The following MAP4 variants were observed in gnomAD, a reference collection of about 807,000 sequenced individuals.
MAP4 encodes the protein microtubule-associated protein 4.
MAP4 carries 76 observed loss-of-function variants against 170.2 expected under a neutral mutation model. That is an observed-to-expected ratio of 0.45 (90% CI 0.37 to 0.54). The LOEUF (loss-of-function observed/expected upper bound fraction) is 0.54, where lower values mean the gene tolerates loss of function less well. Ranked by LOEUF, MAP4 falls within the 20% of genes least tolerant of loss-of-function variation. MAP4 has a pLI of 0.00. For missense variants in MAP4, 2,506 were observed against 2,748.0 expected (o/e 0.91, Z 1.97); for synonymous variants, 909 against 994.5 (o/e 0.91, Z 1.62).
chr3:47,911,211 T>G lies in MAP4; in HGVS notation c.3210A>C (p.Lys1070Asn). The stretch of plus-strand genomic sequence containing the variant: ...TTACCTTCCCAGAATCTGTTCTCAT[T>G]TTCCCAGAACTTCCCCTTCCCTTCC... ...KSRKGRGSSG[K>N]MRTDSGKVKA... Residue 1070 changes from lysine (K) to asparagine (N), a missense_variant, in exon 9 of 21, where the codon AAA becomes AAC. By Grantham distance (94) the Lys-to-Asn change is moderately conservative. This residue lies in a region of MAP4 where 2,008 missense variants were observed against 2,206.0 expected (regional missense o/e 0.91). Transcript: ENST00000683076. This position sits in a 1 kb window ranked among gnomAD's most constrained non-coding sequence, Gnocchi z 4.0. 1 of 1,536,130 alleles carries G rather than the reference T, an allele frequency of 6.5e-7. No individual in the cohort carries two copies.
intron 1 of MAP4, among the ~76,000 whole-genome samples, chr3:48,051,222 G>A (rs1241209861): frequency 6.6e-6 from 1 of 151,894 alleles, no homozygotes; most frequent in Non-Finnish European, 1.5e-5. Context: ...AGACCAGCCT[G>A]GGCAACATGG....
intron 2 of MAP4, among the ~76,000 whole-genome samples, chr3:47,995,680 C>T (rs2100095111): frequency 6.6e-6 from 1 of 152,076 alleles, no homozygotes; most frequent in Non-Finnish European, 1.5e-5. Flanking sequence ...TTCCACTTGG[C>T]TGTAGAAAGC....
At chr3:48,007,532 C>T (rs1309527935) in intron 1 of MAP4, among the ~76,000 whole-genome samples, 1 of 152,216 alleles carries the variant, frequency 6.6e-6, no homozygotes, top group Non-Finnish European at 1.5e-5. Flanking sequence ...CCATATGACC[C>T]AGCAGATCCA....
rs2100083762 is a variant in MAP4 at position 47,978,906 on chromosome 3, T to C, written c.224-973A>G. ...TTTAAAACTGAACTGTTTATTTTCT[T>C]ATTATTGAGTTTTGAAAATTCTTTA... On this transcript the variant is annotated intron_variant, in intron 2 of 20. Transcript: ENST00000683076. Among the ~76,000 whole-genome samples the C allele has an allele frequency of 2.0e-5, 3 of 152,112 alleles. No homozygotes were observed. In the South Asian group the frequency reaches 6.2e-4, roughly 32 times the overall value.
chr3:47,997,515 T>C (rs1388951911), intron 2 of MAP4, among the ~76,000 whole-genome samples: 1 of 151,458 alleles, frequency 6.6e-6, no homozygotes, highest in Non-Finnish European at 1.5e-5. Flanking sequence ...AAAAGAAATG[T>C]CTCAGATCAA....
intron 1 of MAP4, among the ~76,000 whole-genome samples, chr3:48,007,109 A>G (rs564106759): frequency 3.3e-5 from 5 of 152,382 alleles, no homozygotes; most frequent in Non-Finnish European, 5.9e-5. Flanking sequence ...ACACTGGTCC[A>G]TTACATTGAT....
intron 1 of MAP4, among the ~76,000 whole-genome samples, chr3:48,081,971 G>A (rs2100146876): frequency 6.6e-6 from 1 of 152,140 alleles, no homozygotes; most frequent in East Asian, 1.9e-4. Flanking sequence ...GACAAAGAAA[G>A]GTAGGGAAAG....
intron 10 of MAP4, chr3:47,892,971 TC>T: frequency 1.4e-6 from 1 of 699,704 alleles, no homozygotes; most frequent in Non-Finnish European, 1.7e-6. Flanking sequence ...CATTTGCCAA[TC>T]CCCAGCTATA....
intron 1 of MAP4, among the ~76,000 whole-genome samples, chr3:48,058,426 G>A (rs533816640): frequency 1.3e-5 from 2 of 152,282 alleles, no homozygotes; most frequent in Non-Finnish European, 2.9e-5. Context: ...CACTTGCAAA[G>A]GTGTTTTAAG....
At chr3:47,884,090 C>T (rs553681586) in intron 10 of MAP4, among the ~76,000 whole-genome samples, 56 of 152,284 alleles carry the variant, frequency 3.7e-4, no homozygotes, top group African/African-American at 1.2e-3. Flanking sequence ...AGCCTTGCAT[C>T]CTTGCTCCTC....
Position 47,911,781 on chromosome 3 carries a change from C to T in MAP4, c.2640G>A (p.Glu880=). 6.5e-7 allele frequency: 1 copy of T among 1,536,122 alleles called. No individual in the cohort carries two copies. The highest frequency in any genetic ancestry group is 8.7e-7 in the Non-Finnish European group (1 of 1,146,912). ...SSQSKLRVEE[E]SKSNKSVLQN... is the part of the protein sequence containing the mutation. ...GTAGTACTGACTTGTTACTTTTGCT[C>T]TCTTCCTCTACTCTCAGCTTAGACT... The change falls in exon 9 of 21, where the codon GAG becomes GAA. Residue 880 remains glutamate, a synonymous_variant. Coordinates refer to ENST00000683076, the MANE Select transcript of MAP4 (RefSeq NM_001385682.1). The surrounding 1 kb of genome is among the most constrained non-coding windows in gnomAD (Gnocchi z 4.0).
At chr3:47,924,552 T>C (rs1190359896) in intron 4 of MAP4, among the ~76,000 whole-genome samples, 1 of 152,146 alleles carries the variant, frequency 6.6e-6, no homozygotes, top group Non-Finnish European at 1.5e-5. Context: ...AGAAAATCCA[T>C]TGCCCTTGAC....
intron 1 of MAP4, among the ~76,000 whole-genome samples, chr3:48,054,629 CAAAAAAAAAAAAA>C (rs745809251): frequency 5.1e-5 from 2 of 39,540 alleles, no homozygotes; most frequent in African/African-American, 2.6e-4. Context: ...GACTCCATCT[CAAAAAAAAAAAAA>C]AAAAAAAAAA....
chr3:47,889,168 G>T (rs944774892), intron 10 of MAP4, among the ~76,000 whole-genome samples: 1 of 152,236 alleles, frequency 6.6e-6, no homozygotes, highest in Admixed American at 6.5e-5. Flanking sequence ...CATGTGCAGG[G>T]AGAAGCAGAG....
chr3:47,971,721 G>A (rs1163477132), intron 3 of MAP4, among the ~76,000 whole-genome samples: 2 of 152,062 alleles, frequency 1.3e-5, no homozygotes, highest in Admixed American at 6.5e-5. Context: ...TAATGGAAAC[G>A]GCATCAACAT....
upstream of MAP4, among the ~76,000 whole-genome samples, chr3:48,019,898 A>G (rs1470353600): frequency 6.6e-6 from 1 of 152,206 alleles, no homozygotes; most frequent in African/African-American, 2.4e-5. Flanking sequence ...ATAACAAAAG[A>G]AAAACTTCTC....
chr3:47,973,487 G>A (rs968714023), intron 3 of MAP4: 2 of 985,200 alleles, frequency 2.0e-6, no homozygotes, highest in South Asian at 9.4e-5. Context: ...AAGTGAAACA[G>A]ATAGAGCTAA....
chr3:48,041,076 A>C (rs2100121411), intron 1 of MAP4, among the ~76,000 whole-genome samples: 1 of 152,190 alleles, frequency 6.6e-6, no homozygotes, highest in Admixed American at 6.5e-5. Context: ...AATTCTGCTT[A>C]AAATAGCATA....
Position 47,957,443 on chromosome 3 carries a change from T to C in MAP4, c.292+20422A>G, listed in dbSNP as rs2100068489. On this transcript the variant is annotated intron_variant, in intron 3 of 20. Transcript: ENST00000683076. ...GCCTCAGCCTCCCAAAGTGCTGGGA[T>C]TACAGGTGTGAGCCACCATGCTTGG... Among the ~76,000 whole-genome samples the C allele has an allele frequency of 2.0e-5, 3 of 152,144 alleles. No homozygotes were observed. In the South Asian group the frequency reaches 6.2e-4, roughly 32 times the overall value.
Sources: allele counts gnomAD v4.1 joint callset (sites outside exome capture counted in the v4.1 genomes callset), GRCh38; gene constraint gnomAD v4.1.1; regional missense constraint gnomAD v4.1.1; non-coding constraint Gnocchi (gnomAD v3.1); transcripts MANE v1.5; gene names NCBI Gene and HGNC (gene_info 2026-07-23, HGNC 2026-07-21).